The following POLR1A variants were observed in gnomAD, a reference collection of about 807,000 sequenced individuals.
POLR1A encodes RNA polymerase I subunit A, also known as DNA-directed RNA polymerase I subunit RPA1.
In POLR1A, 84 loss-of-function variants were observed where a neutral mutation model predicts 205.3. That is an observed-to-expected ratio of 0.41 (90% confidence interval 0.34 to 0.49). The LOEUF (loss-of-function observed/expected upper bound fraction) is 0.49. POLR1A is among the 20% of genes least tolerant of loss of function. The pLI is 0.22. For missense variants in POLR1A, 1,645 were observed against 2,204.5 expected, an observed-to-expected ratio of 0.75 and a Z score of 5.08; for synonymous variants, 799 against 863.7, an observed-to-expected ratio of 0.93 and a Z score of 1.31.
At chr2:86,044,094 G>A in intron 22 of POLR1A, 45 bp downstream of exon 22, 2 of 1,595,920 alleles carry the variant, frequency 1.3e-6, no homozygotes, top group Non-Finnish European at 1.7e-6. Flanking sequence ...CTCGGTGGGG[G>A]AGGCCTACTG....
At chr2:86,104,302 T>C (rs999007104) in intron 1 of POLR1A, among the ~76,000 whole-genome samples, 1 of 152,036 alleles carries the variant, frequency 6.6e-6, no homozygotes, top group African/African-American at 2.4e-5. Context: ...GACATGTAGG[T>C]GACACAAAGT....
Position 86,025,884 on chromosome 2 carries a change from C to A in POLR1A, c.*1539G>T, listed in dbSNP as rs1036832108. On this transcript the variant is annotated 3_prime_UTR_variant, in exon 34 of 34. Transcript: ENST00000263857. ...TCCTCTGTGCCCATGCCTTGGTGAA[C>A]CTGGCAGACCCCGTTAGGAGGTACT... 6.6e-6 allele frequency: 1 copy of A among 152,270 alleles called. No individual in the cohort carries two copies. Among genetic ancestry groups the A allele is most frequent in the African/African-American group, 2.4e-5 (1 of 41,468 alleles). The allele number at this position is 152,270 out of a possible 1,614,324, so 9.4% of individuals were successfully genotyped here.
chr2:86,083,818 A>G (rs1673447147), intron 6 of POLR1A, among the ~76,000 whole-genome samples: 1 of 152,224 alleles, frequency 6.6e-6, no homozygotes, highest in African/African-American at 2.4e-5. Context: ...TCTTTTTACA[A>G]ATATCATACT....
rs1183249184 is a variant in POLR1A at position 86,100,064 on chromosome 2, C to G, written c.186G>C (p.Glu62Asp). The change falls in exon 2 of 34, where the codon GAG becomes GAC. Residue 62 changes from glutamate (E) to aspartate (D), a missense_variant. Coordinates refer to ENST00000263857, the MANE Select transcript of POLR1A (RefSeq NM_015425.6). ...AGTCCTGCACGCAGGTGGAGCACAC[C>G]TCTTTGGAATCTGCAGGGCCCAAAG... Reference protein sequence around the residue: ...DLALGPADSKEVCSTCVQDFS... With the variant: ...DLALGPADSKDVCSTCVQDFS... 1.1e-5 allele frequency: 18 copies of G among 1,614,080 alleles called. No individual in the cohort carries two copies. Among genetic ancestry groups the G allele is most frequent in the Non-Finnish European group, 1.4e-5 (17 of 1,180,022 alleles).
chr2:86,105,296 G>A (rs1673904835), intron 1 of POLR1A, among the ~76,000 whole-genome samples: 1 of 152,158 alleles, frequency 6.6e-6, no homozygotes, highest in Non-Finnish European at 1.5e-5. Flanking sequence ...TCCTAGCAAA[G>A]AGAAGTTAAC....
intron 3 of POLR1A, among the ~76,000 whole-genome samples, chr2:86,091,775 G>A (rs1673612087): frequency 6.6e-6 from 1 of 152,042 alleles, no homozygotes; most frequent in Non-Finnish European, 1.5e-5. Context: ...GGACAAATTT[G>A]ACCATGAGTT....
Position 86,089,829 on chromosome 2 carries a change from C to A in POLR1A, c.533G>T (p.Gly178Val). The change falls in exon 4 of 34, where the codon GGC becomes GTC. Residue 178 changes from glycine (G) to valine (V), a missense_variant. Around this residue, in one of 16 missense-constraint regions of POLR1A, gnomAD observed 330 missense variants for 375.6 expected, o/e 0.88. Coordinates refer to ENST00000263857, the MANE Select transcript of POLR1A (RefSeq NM_015425.6). Reference sequence around the variant, plus strand: ...AAGACAGTGTTAACTCACATGTGCGCCCTGGGACCCCAGGAGGTTGTTCTG... The same window carrying A: ...AAGACAGTGTTAACTCACATGTGCGACCTGGGACCCCAGGAGGTTGTTCTG... ...IVQNNLLGSQGAHVKNVCESK... is the reference protein window; with the variant it reads ...IVQNNLLGSQVAHVKNVCESK... The A allele has an allele frequency of 6.3e-7, 1 of 1,590,186 alleles. No homozygotes were observed. Among genetic ancestry groups the A allele is most frequent in the Non-Finnish European group, 8.6e-7 (1 of 1,158,088 alleles).
At chr2:86,099,338 C>T (rs191900289) in intron 2 of POLR1A, among the ~76,000 whole-genome samples, 28 of 143,970 alleles carry the variant, frequency 1.9e-4, no homozygotes, top group Admixed American at 8.6e-4. Context: ...GCCTGGGAGA[C>T]GGAATGAGAC....
chr2:86,065,911 T>C (rs1673076605), intron 13 of POLR1A, among the ~76,000 whole-genome samples: 1 of 152,228 alleles, frequency 6.6e-6, no homozygotes, highest in South Asian at 2.1e-4. Flanking sequence ...TCAACAAATA[T>C]TTATCAGGAG....
At chr2:86,084,198 G>A (rs960195764) in intron 6 of POLR1A, among the ~76,000 whole-genome samples, 16 of 152,032 alleles carry the variant, frequency 1.1e-4, no homozygotes, top group Non-Finnish European at 2.2e-4. Flanking sequence ...CCCAGGAGGC[G>A]GAGCTTGCAG....
chr2:86,053,062 C>T, intron 15 of POLR1A, 62 bp from the exon 16 acceptor site: 1 of 1,268,886 alleles, frequency 7.9e-7, no homozygotes, highest in South Asian at 1.6e-5. Flanking sequence ...GAGTCACCCA[C>T]CCTCTACTCC....
intron 12 of POLR1A, among the ~76,000 whole-genome samples, chr2:86,073,110 G>A (rs1673208969): frequency 6.6e-6 from 1 of 151,766 alleles, no homozygotes; most frequent in Non-Finnish European, 1.5e-5. Flanking sequence ...GAGTCAGAAG[G>A]ATCACCTGAG....
rs762034368 is a variant in POLR1A, at chr2:86,028,535, C to G, written c.4897+59G>C. 60 of 1,244,422 alleles carry G rather than the reference C, an allele frequency of 4.8e-5. No individual in the cohort carries two copies. The highest frequency in any genetic ancestry group is 7.0e-5 in the Non-Finnish European group (59 of 843,248). 77.1% of individuals were successfully genotyped at this position (1,244,422 alleles called of 1,614,324 possible). On this transcript the variant is annotated intron_variant, in intron 32 of 33. Transcript: ENST00000263857. This position sits in a 1 kb window ranked among gnomAD's most constrained non-coding sequence, Gnocchi z 4.5. ...ACACGGTCCTGACCCTCCTGCCGAG[C>G]CTTCTGGTGTCCTGGCTGGTGCCCA...
chr2:86,038,825 G>A lies in POLR1A; in HGVS notation c.3909C>T (p.Phe1303=). The part of the protein sequence containing the change: ...VLQKIDVQES[F]CMEEKQNKFQ... The stretch of plus-strand genomic sequence containing the variant: ...ATTTGTTCTGTTTTTCTTCCATACA[G>A]AAGGACTCCTGGACGTCAATTTTCT... The change falls in exon 27 of 34, where the codon TTC becomes TTT. Residue 1303 remains phenylalanine (F), a synonymous_variant. Coordinates refer to ENST00000263857, the MANE Select transcript of POLR1A (RefSeq NM_015425.6). 1.2e-6 allele frequency: 2 copies of A among 1,614,106 alleles called. No homozygotes were observed. The highest frequency in any genetic ancestry group is 2.2e-5 in the South Asian group (2 of 91,076).
chr2:86,037,626 G>T (rs1672524134), intron 27 of POLR1A, among the ~76,000 whole-genome samples: 1 of 152,268 alleles, frequency 6.6e-6, no homozygotes, highest in Non-Finnish European at 1.5e-5. Context: ...AGAAGACCAA[G>T]AACTGGTCTA....
At chr2:86,098,565 A>G (rs1282257611) in intron 3 of POLR1A, 46 bp downstream of exon 3, 1 of 1,598,438 alleles carries the variant, frequency 6.3e-7, no homozygotes. Flanking sequence ...TGTTCCCCAC[A>G]CCACTTTGCC....
intron 33 of POLR1A, 69 bp from the exon 34 acceptor site, chr2:86,027,592 G>A (rs1672292534): frequency 4.5e-6 from 6 of 1,345,446 alleles, no homozygotes; most frequent in Non-Finnish European, 6.4e-6. Context: ...AGGTGATTAT[G>A]GGGCTGAACA....
intron 13 of POLR1A, among the ~76,000 whole-genome samples, chr2:86,069,732 G>A (rs571853630): frequency 9.8e-5 from 15 of 152,330 alleles, no homozygotes; most frequent in Admixed American, 3.9e-4. Flanking sequence ...CCAAATTTAA[G>A]TGCTGAACAC....
At chr2:86,076,365 C>A (rs1673282943) in intron 11 of POLR1A, among the ~76,000 whole-genome samples, 1 of 152,220 alleles carries the variant, frequency 6.6e-6, no homozygotes, top group Non-Finnish European at 1.5e-5. Context: ...ACTTACCACC[C>A]ATCACCGTTC....
Sources: allele counts gnomAD v4.1 joint callset (sites outside exome capture counted in the v4.1 genomes callset), GRCh38; gene constraint gnomAD v4.1.1; regional missense constraint gnomAD v4.1.1; non-coding constraint Gnocchi (gnomAD v3.1); transcripts MANE v1.5; gene names NCBI Gene and HGNC (gene_info 2026-07-23, HGNC 2026-07-21).